HMGCLL1: variants seen among roughly 807,000 people sequenced by gnomAD.
HMGCLL1 encodes the protein 3-hydroxymethyl-3-methylglutaryl-CoA lyase, cytoplasmic.
A neutral mutation model predicts 39.1 loss-of-function variants in HMGCLL1; 36 were observed. The ratio of observed to expected loss-of-function variants is 0.92; its 90% confidence interval spans 0.71 to 1.22. The LOEUF is 1.22. Ranked by LOEUF, HMGCLL1 falls within the 50% of genes most tolerant of loss-of-function variation. The pLI, the probability that HMGCLL1 is intolerant of heterozygous loss-of-function variation, is 0.00. For synonymous variants in HMGCLL1, 149 were observed against 144.0 expected, an observed-to-expected ratio of 1.03 and a Z score of -0.25; for missense variants, 451 against 416.5, an observed-to-expected ratio of 1.08 and a Z score of -0.72.
chr6:55,673,625 T>C, the HMGCLL1 span, among the ~76,000 whole-genome samples: 7 of 151,908 alleles, frequency 4.6e-5, no homozygotes, highest in Non-Finnish European at 1.0e-4. Flanking sequence ...AAAATATTGC[T>C]AAGATTAATA....
the HMGCLL1 span, among the ~76,000 whole-genome samples, chr6:55,658,368 T>C: frequency 7.2e-5 from 11 of 152,104 alleles, no homozygotes; most frequent in East Asian, 2.1e-3. Context: ...ATATCATCTC[T>C]GATCCTAAAT....
chr6:55,610,926 C>T, the HMGCLL1 span, among the ~76,000 whole-genome samples: 1 of 152,026 alleles, frequency 6.6e-6, no homozygotes, highest in Admixed American at 6.6e-5. Flanking sequence ...ATTTCATATC[C>T]CACCAAACTA....
intron 6 of HMGCLL1, among the ~76,000 whole-genome samples, chr6:55,496,404 T>C (rs1038426801): frequency 6.6e-6 from 1 of 152,130 alleles, no homozygotes; most frequent in African/African-American, 2.4e-5. Context: ...CAGTACTGAA[T>C]CATAACTGCA....
At chr6:55,595,662 A>G in the HMGCLL1 span, among the ~76,000 whole-genome samples, 1 of 152,220 alleles carries the variant, frequency 6.6e-6, no homozygotes. Context: ...ACAGCAGTGT[A>G]GTAAAAGCAG....
chr6:55,673,179 G>A, the HMGCLL1 span, among the ~76,000 whole-genome samples: 1 of 151,904 alleles, frequency 6.6e-6, no homozygotes, highest in East Asian at 1.9e-4. Flanking sequence ...CTGTAGGTGA[G>A]GTGTGTCTCC....
chr6:55,447,392 G>A (rs1400003450), intron 7 of HMGCLL1, among the ~76,000 whole-genome samples: 1 of 151,996 alleles, frequency 6.6e-6, no homozygotes, highest in Non-Finnish European at 1.5e-5. Flanking sequence ...TAGATGCAAA[G>A]AGAGAGAGCT....
At chr6:55,582,590 C>G (rs533998351), upstream of HMGCLL1, among the ~76,000 whole-genome samples, 1 of 152,200 alleles carries the variant, frequency 6.6e-6, no homozygotes, top group Non-Finnish European at 1.5e-5. Flanking sequence ...ATAACTTCAG[C>G]AATATCAAAT....
chr6:55,443,786 T>C (rs1763705616), intron 7 of HMGCLL1, among the ~76,000 whole-genome samples: 1 of 152,216 alleles, frequency 6.6e-6, no homozygotes, highest in East Asian at 1.9e-4. Context: ...ATACTGGCAT[T>C]GAAATAGTAT....
chr6:55,619,367 T>G, the HMGCLL1 span, among the ~76,000 whole-genome samples: 62,096 of 151,926 alleles, frequency 0.41, 13,314 homozygotes, highest in Middle Eastern at 0.55. Flanking sequence ...TACCATAAAC[T>G]GTTTCTGCAG....
At chr6:55,621,172 CT>C in the HMGCLL1 span, among the ~76,000 whole-genome samples, 1 of 152,136 alleles carries the variant, frequency 6.6e-6, no homozygotes, top group East Asian at 1.9e-4. Context: ...TGTCATTGGT[CT>C]TTTGATAGAG....
At chr6:55,654,814 C>G in the HMGCLL1 span, among the ~76,000 whole-genome samples, 1 of 151,850 alleles carries the variant, frequency 6.6e-6, no homozygotes, top group Non-Finnish European at 1.5e-5. Context: ...TCAACCCTTT[C>G]CAGGATTCAT....
At chr6:55,673,180 G>A in the HMGCLL1 span, among the ~76,000 whole-genome samples, 1 of 152,050 alleles carries the variant, frequency 6.6e-6, no homozygotes, top group South Asian at 2.1e-4. Context: ...TGTAGGTGAG[G>A]TGTGTCTCCT....
intron 5 of HMGCLL1, among the ~76,000 whole-genome samples, chr6:55,503,048 T>C (rs183735383): frequency 1.3e-5 from 2 of 151,932 alleles, no homozygotes; most frequent in African/African-American, 4.8e-5. Flanking sequence ...TTTATAGTTT[T>C]TATTGTGAGT....
chr6:55,530,946 A>G (rs942540451), intron 3 of HMGCLL1, among the ~76,000 whole-genome samples: 1 of 152,210 alleles, frequency 6.6e-6, no homozygotes, highest in African/African-American at 2.4e-5. Context: ...TTTAAAAATA[A>G]CTGCTATGAT....
chr6:55,510,162 C>A (rs116735087), intron 5 of HMGCLL1, among the ~76,000 whole-genome samples: 1 of 152,012 alleles, frequency 6.6e-6, no homozygotes, highest in South Asian at 2.1e-4. Flanking sequence ...GTTAAATATA[C>A]TCTTCTTTGA....
chr6:55,592,001 A>G, the HMGCLL1 span, among the ~76,000 whole-genome samples: 1 of 152,038 alleles, frequency 6.6e-6, no homozygotes, highest in African/African-American at 2.4e-5. Flanking sequence ...TTATTTTATA[A>G]TAAAATACTA....
At chr6:55,647,224 C>A in the HMGCLL1 span, among the ~76,000 whole-genome samples, 1 of 151,724 alleles carries the variant, frequency 6.6e-6, no homozygotes, top group Non-Finnish European at 1.5e-5. Context: ...CTTAATCCTG[C>A]CCTTTTTGGT....
At chr6:55,501,559 C>G (rs368293357) in intron 5 of HMGCLL1, among the ~76,000 whole-genome samples, 3 of 151,782 alleles carry the variant, frequency 2.0e-5, no homozygotes, top group African/African-American at 7.3e-5. Context: ...ATTTGACAAG[C>G]GGCCAAAGCC....
At chr6:55,499,396 T>C (rs1766760847) in intron 5 of HMGCLL1, 97 bp from the exon 6 acceptor site, 1 of 906,674 alleles carries the variant, frequency 1.1e-6, no homozygotes, top group African/African-American at 1.7e-5. Context: ...ATCAAGAAAA[T>C]TTATTTTGCA....
Sources: allele counts gnomAD v4.1 joint callset (sites outside exome capture counted in the v4.1 genomes callset), GRCh38; gene constraint gnomAD v4.1.1; transcripts MANE v1.5; gene names NCBI Gene and HGNC (gene_info 2026-07-23, HGNC 2026-07-21).